Variants in MAEL observed in about 807,000 individuals in gnomAD.
MAEL encodes protein maelstrom homolog.
A neutral mutation model predicts 62.0 loss-of-function variants in MAEL; 46 were observed. That is an observed-to-expected ratio of 0.74 (90% CI 0.59 to 0.95). The LOEUF (loss-of-function observed/expected upper bound fraction) is 0.95. Among genes scored for constraint, MAEL ranks in the 40% least tolerant of loss-of-function variants. The probability of loss-of-function intolerance (pLI) is 0.00; values close to 1 mark genes in which losing one functional copy is unlikely to be tolerated. For synonymous variants in MAEL, 172 were observed against 175.5 expected (o/e 0.98, Z 0.16); for missense variants, 497 against 526.8 (o/e 0.94, Z 0.55).
rs1450845107 is a variant in MAEL, at chr1:167,007,917, C to A, written c.845+2520C>A. ...GAAGTTATTTAGGTTCTTTTTTCCCCTTTCAGTACAAATTACTCTTTTGAA... is the reference window on the plus strand; with the variant it reads ...GAAGTTATTTAGGTTCTTTTTTCCCATTTCAGTACAAATTACTCTTTTGAA... On this transcript the variant is annotated intron_variant, in intron 8 of 11. Coordinates refer to ENST00000367872, the MANE Select transcript of MAEL (RefSeq NM_032858.3). Among the ~76,000 whole-genome samples, 5 of 151,814 alleles carry A rather than the reference C, an allele frequency of 3.3e-5. No individual in the cohort carries two copies. The East Asian group carries it at 9.6e-4, about 29-fold the overall frequency.
chr1:166,994,169 AACTT>A, intron 5 of MAEL, 100 bp downstream of exon 5: 1 of 1,108,610 alleles, frequency 9.0e-7, no homozygotes, highest in South Asian at 1.5e-5. Context: ...AGAGGAAAAT[AACTT>A]TAGGTTATTG....
intron 8 of MAEL, among the ~76,000 whole-genome samples, chr1:167,014,792 G>A (rs569700583): frequency 7.2e-5 from 11 of 152,272 alleles, no homozygotes; most frequent in African/African-American, 1.9e-4. Flanking sequence ...GGAGGCCAAC[G>A]TGGGTGGATC....
At chr1:166,991,718 CAT>C (rs1184312661) in intron 3 of MAEL, among the ~76,000 whole-genome samples, 1 of 150,592 alleles carries the variant, frequency 6.6e-6, no homozygotes, top group Non-Finnish European at 1.5e-5. Flanking sequence ...TGTTGTTAAA[CAT>C]AGGTATTTTT....
intron 1 of MAEL, among the ~76,000 whole-genome samples, chr1:166,983,832 T>A (rs1663833813): frequency 6.6e-6 from 1 of 151,654 alleles, no homozygotes; most frequent in African/African-American, 2.4e-5. Flanking sequence ...CAAAACCCCG[T>A]CTCTACAAAA....
intron 8 of MAEL, among the ~76,000 whole-genome samples, chr1:167,015,254 AC>A (rs997999278): frequency 1.3e-5 from 2 of 152,154 alleles, no homozygotes; most frequent in African/African-American, 4.8e-5. Context: ...ATATAACTTA[AC>A]TTTTGTTTTA....
At chr1:166,992,895 AAT>A in intron 4 of MAEL, 54 bp downstream of exon 4, 1 of 1,379,812 alleles carries the variant, frequency 7.2e-7, no homozygotes. Flanking sequence ...TTTTTTTTTA[AAT>A]CTTGACTTTA....
chr1:167,017,297 G>C (rs1317019528), intron 9 of MAEL, among the ~76,000 whole-genome samples: 1 of 151,982 alleles, frequency 6.6e-6, no homozygotes, highest in East Asian at 1.9e-4. Flanking sequence ...AAATAAAGGT[G>C]GTTTTGTACA....
At chr1:167,007,707 A>G (rs1400672574) in intron 8 of MAEL, among the ~76,000 whole-genome samples, 1 of 151,888 alleles carries the variant, frequency 6.6e-6, no homozygotes, top group Non-Finnish European at 1.5e-5. Context: ...TCAATCCAAT[A>G]CCATAGAGTT....
intron 8 of MAEL, among the ~76,000 whole-genome samples, chr1:167,010,386 G>T (rs1571270655): frequency 6.6e-6 from 1 of 151,910 alleles, no homozygotes; most frequent in East Asian, 1.9e-4. Flanking sequence ...TTTTTTGGGG[G>T]GTGGGGGTAT....
At chr1:166,989,895 G>T in intron 2 of MAEL, 66 bp downstream of exon 2, 12 of 1,178,314 alleles carry the variant, frequency 1.0e-5, no homozygotes, top group Non-Finnish European at 1.3e-5. Flanking sequence ...AAGGCTGGAT[G>T]AGTGAATGAG....
At chr1:166,989,896 A>G (rs1009038953) in intron 2 of MAEL, 67 bp downstream of exon 2, 2 of 1,180,218 alleles carry the variant, frequency 1.7e-6, no homozygotes, top group Non-Finnish European at 2.4e-6. Flanking sequence ...AGGCTGGATG[A>G]GTGAATGAGT....
At chr1:167,012,482 ACCT>A (rs1276190828) in intron 8 of MAEL, 2 of 152,188 alleles carry the variant, frequency 1.3e-5, no homozygotes, top group African/African-American at 4.8e-5. Flanking sequence ...TTTATTGAGC[ACCT>A]CCTCTGTGCC....
rs113297248 is a variant in MAEL at position 166,989,370 on chromosome 1, C to G, written c.18C>G (p.Ala6=). The change falls in exon 1 of 12, where the codon GCC becomes GCG. Residue 6 remains alanine (A), a synonymous_variant. Coordinates refer to ENST00000367872, the MANE Select transcript of MAEL (RefSeq NM_032858.3). ...GCGCTGCCATGCCGAACCGTAAGGC[C>G]AGCCGGAATGCTTACTATTTCTTCG... MPNRK[A]SRNAYYFFVQ... is the part of the protein sequence containing the mutation. The G allele has an allele frequency of 0.021, 33,602 of 1,610,030 alleles. 413 individuals carry two copies. Among genetic ancestry groups the G allele is most frequent in the Non-Finnish European group, 0.025 (29,019 of 1,178,264 alleles).
chr1:167,001,653 G>A lies in MAEL; in HGVS notation c.524-2527G>A, dbSNP rs145506835. ...TTTCAATACTTGCTTTAGTGTGGCA[G>A]TCTGGAACTGAACCCACAGCATCTC... On this transcript the variant is annotated intron_variant, in intron 5 of 11. Transcript: ENST00000367872. 6.0e-4 allele frequency among the ~76,000 whole-genome samples: 91 copies of A among 152,322 alleles called. 1 individual carries two copies. Among genetic ancestry groups the A allele is most frequent in the South Asian group, 1.5e-3 (7 of 4,824 alleles).
At position 166,996,824 on chromosome 1, in the gene MAEL, G is replaced by A. The variant is rs559011115; in HGVS notation, c.523+2755G>A. 3.9e-5 allele frequency among the ~76,000 whole-genome samples: 6 copies of A among 152,256 alleles called. 1 individual carries two copies. Among genetic ancestry groups the A allele is most frequent in the African/African-American group, 1.4e-4 (6 of 41,558 alleles). On this transcript the variant is annotated intron_variant, in intron 5 of 11. Transcript: ENST00000367872. ...GGTGCCCAATCTTTGGGCTCCCGTGGGCCACATTTTTTCTTTTTTTAAGAC... is the reference window on the plus strand; with the variant it reads ...GGTGCCCAATCTTTGGGCTCCCGTGAGCCACATTTTTTCTTTTTTTAAGAC...
intron 5 of MAEL, among the ~76,000 whole-genome samples, chr1:167,001,441 G>T (rs747321769): frequency 1.3e-5 from 2 of 152,058 alleles, no homozygotes; most frequent in Admixed American, 1.3e-4. Context: ...AAGATCTTTC[G>T]CCAGCAAAAA....
At chr1:167,018,811 T>A (rs562451454) in intron 10 of MAEL, among the ~76,000 whole-genome samples, 53 of 152,196 alleles carry the variant, frequency 3.5e-4, no homozygotes, top group Admixed American at 6.5e-4. Context: ...GACTAAACTA[T>A]AACAAGAACA....
chr1:167,009,713 T>A (rs777286251), intron 8 of MAEL, among the ~76,000 whole-genome samples: 1 of 152,104 alleles, frequency 6.6e-6, no homozygotes, highest in Non-Finnish European at 1.5e-5. Context: ...TAATCACTTT[T>A]TCTGACCCTT....
intron 8 of MAEL, among the ~76,000 whole-genome samples, chr1:167,011,402 T>C (rs1309841504): frequency 3.3e-5 from 5 of 152,206 alleles, no homozygotes; most frequent in Non-Finnish European, 7.3e-5. Context: ...TGTTAAGATA[T>C]TTGGATTTAT....
Sources: gnomAD v4.1 joint callset for allele counts (sites outside exome capture counted in the v4.1 genomes callset) on GRCh38, gnomAD v4.1.1 for gene constraint, MANE v1.5 for transcripts, NCBI Gene and HGNC (gene_info 2026-07-23, HGNC 2026-07-21) for gene names.